Variants in BICC1 observed in about 807,000 individuals in gnomAD.
BICC1 encodes BicC family RNA binding protein 1, also known as protein bicaudal C homolog 1.
BICC1 carries 43 observed loss-of-function variants against 111.0 expected under a neutral mutation model. The ratio of observed to expected loss-of-function variants is 0.39; its 90% CI spans 0.30 to 0.50. The LOEUF is 0.50. Among genes scored for constraint, BICC1 ranks in the 20% least tolerant of loss-of-function variants. The pLI, the probability that BICC1 is intolerant of heterozygous loss-of-function variation, is 0.88. For missense variants in BICC1, 1,091 were observed against 1,203.2 expected, an observed-to-expected ratio of 0.91 and a Z score of 1.38; for synonymous variants, 467 against 434.4, an observed-to-expected ratio of 1.07 and a Z score of -0.93.
At chr10:58,766,951 A>T (rs10826236) in intron 3 of BICC1, among the ~76,000 whole-genome samples, 117,135 of 151,600 alleles carry the variant, frequency 0.77, 45,738 homozygotes, top group East Asian at 1. Context: ...AAAGGTGGGG[A>T]TGGGGGTGGC....
chr10:58,760,544 T>A (rs1842283825), intron 3 of BICC1, among the ~76,000 whole-genome samples: 1 of 152,220 alleles, frequency 6.6e-6, no homozygotes, highest in South Asian at 2.1e-4. Context: ...GTAAGCAGAC[T>A]TAAATTGTCC....
At chr10:58,761,211 T>C (rs969534597) in intron 3 of BICC1, among the ~76,000 whole-genome samples, 1 of 152,146 alleles carries the variant, frequency 6.6e-6, no homozygotes, top group Non-Finnish European at 1.5e-5. Flanking sequence ...AAGTACATGA[T>C]GCTAAGATAC....
intron 1 of BICC1, among the ~76,000 whole-genome samples, chr10:58,606,690 C>G (rs1415643817): frequency 6.6e-6 from 1 of 151,990 alleles, no homozygotes; most frequent in Non-Finnish European, 1.5e-5. Flanking sequence ...TTTTTTCTCT[C>G]TGGAAGGTTT....
chr10:58,543,168 T>C (rs543434111), intron 1 of BICC1, among the ~76,000 whole-genome samples: 1 of 151,984 alleles, frequency 6.6e-6, no homozygotes, highest in Non-Finnish European at 1.5e-5. Context: ...AGACATACAA[T>C]GGAATATTGC....
At chr10:58,566,078 T>G (rs1030085199) in intron 1 of BICC1, among the ~76,000 whole-genome samples, 6 of 152,170 alleles carry the variant, frequency 3.9e-5, no homozygotes, top group African/African-American at 1.4e-4. Context: ...AATAATGATT[T>G]CCAATTTTAT....
intron 1 of BICC1, among the ~76,000 whole-genome samples, chr10:58,555,409 G>A (rs1230303270): frequency 6.7e-6 from 1 of 149,570 alleles, no homozygotes; most frequent in Non-Finnish European, 1.5e-5. Context: ...TAACCTGTTG[G>A]AAGTAGAGTA....
chr10:58,556,068 T>G (rs1049180999), intron 1 of BICC1, among the ~76,000 whole-genome samples: 6 of 152,156 alleles, frequency 3.9e-5, no homozygotes, highest in Non-Finnish European at 8.8e-5. Context: ...TTTCTAGTTT[T>G]CGAGTGTTGG....
Position 58,702,062 on chromosome 10 carries a change from T to C in BICC1, c.238-12T>C. The C allele has an allele frequency of 6.2e-7, 1 of 1,603,804 alleles. No individual in the cohort carries two copies. The highest frequency in any genetic ancestry group is 1.3e-5 in the African/African-American group (1 of 74,794). On this transcript the variant is annotated splice_polypyrimidine_tract_variant and intron_variant, in intron 2 of 20. Coordinates refer to ENST00000373886, the MANE Select transcript of BICC1 (RefSeq NM_001080512.3). Reference sequence around the variant, plus strand: ...TTAATTGAGTCAATATTTCTCTCAATTTTTGTTACAGATCATGGAGGAAAC... The same window carrying C: ...TTAATTGAGTCAATATTTCTCTCAACTTTTGTTACAGATCATGGAGGAAAC...
intron 17 of BICC1, among the ~76,000 whole-genome samples, chr10:58,810,628 T>A (rs1277575725): frequency 6.6e-6 from 1 of 152,102 alleles, no homozygotes; most frequent in Non-Finnish European, 1.5e-5. Flanking sequence ...TTTATTCTTC[T>A]ATAGCTCAGA....
intron 20 of BICC1, among the ~76,000 whole-genome samples, chr10:58,825,971 C>A (rs1844382170): frequency 6.6e-6 from 1 of 151,574 alleles, no homozygotes; most frequent in Non-Finnish European, 1.5e-5. Flanking sequence ...ATAAGTGAAT[C>A]CAGCATAACA....
At chr10:58,566,994 G>A (rs1843786975) in intron 1 of BICC1, among the ~76,000 whole-genome samples, 1 of 152,090 alleles carries the variant, frequency 6.6e-6, no homozygotes, top group African/African-American at 2.4e-5. Context: ...CCTGATGGGA[G>A]AATAATAAAA....
intron 18 of BICC1, among the ~76,000 whole-genome samples, chr10:58,814,908 A>G (rs924114053): frequency 7.2e-5 from 11 of 152,184 alleles, no homozygotes; most frequent in Non-Finnish European, 1.5e-4. Context: ...GATTTTGTAA[A>G]TAGACAAGAT....
chr10:58,748,357 T>A (rs934146641), intron 3 of BICC1, among the ~76,000 whole-genome samples: 2 of 152,016 alleles, frequency 1.3e-5, no homozygotes, highest in Non-Finnish European at 2.9e-5. Context: ...TCTTGATACA[T>A]TGAGATTTAG....
At chr10:58,798,873 T>C (rs1015362151) in intron 11 of BICC1, among the ~76,000 whole-genome samples, 183 bp from the exon 12 acceptor site, 1 of 152,188 alleles carries the variant, frequency 6.6e-6, no homozygotes, top group Non-Finnish European at 1.5e-5. Context: ...TTCTCTATGA[T>C]ATTGTCCGAT....
chr10:58,534,196 A>C (rs923374002), intron 1 of BICC1, among the ~76,000 whole-genome samples: 4 of 151,828 alleles, frequency 2.6e-5, no homozygotes, highest in Non-Finnish European at 4.4e-5. Context: ...CCCTTACCCA[A>C]GATAGCAGAT....
At chr10:58,817,503 T>G (rs548198311) in intron 18 of BICC1, 59 bp from the exon 19 acceptor site, 4 of 1,590,406 alleles carry the variant, frequency 2.5e-6, no homozygotes, top group Non-Finnish European at 1.7e-6. Flanking sequence ...AAACTTTTAA[T>G]TAAACCATGT....
At chr10:58,757,046 C>G (rs7903712) in intron 3 of BICC1, among the ~76,000 whole-genome samples, 117,498 of 152,074 alleles carry the variant, frequency 0.77, 45,839 homozygotes, top group East Asian at 1. Flanking sequence ...ACTCTAATAA[C>G]AAAGCCCTTT....
At position 58,722,177 on chromosome 10, in the gene BICC1, G is replaced by C. The variant is rs181566143; in HGVS notation, c.307+20034G>C. Among the ~76,000 whole-genome samples, 42 of 152,272 alleles carry C rather than the reference G, an allele frequency of 2.8e-4. No individual in the cohort carries two copies. The East Asian group carries it at 5.6e-3, about 20-fold the overall frequency. On this transcript the variant is annotated intron_variant, in intron 3 of 20. Coordinates refer to ENST00000373886, the MANE Select transcript of BICC1 (RefSeq NM_001080512.3). ...AGTAAAGGAAGCAGTGAATCCATCCGGTTTCCATGAGCAGTCATACCTGAG... is the reference window on the plus strand; with the variant it reads ...AGTAAAGGAAGCAGTGAATCCATCCCGTTTCCATGAGCAGTCATACCTGAG...
chr10:58,652,631 T>A (rs1484805417), intron 2 of BICC1, among the ~76,000 whole-genome samples: 2 of 152,152 alleles, frequency 1.3e-5, no homozygotes, highest in African/African-American at 2.4e-5. Flanking sequence ...TTATATAATG[T>A]CTTGTTGCCT....
Sources: allele counts gnomAD v4.1 joint callset (sites outside exome capture counted in the v4.1 genomes callset), GRCh38; gene constraint gnomAD v4.1.1; transcripts MANE v1.5; gene names NCBI Gene and HGNC (gene_info 2026-07-23, HGNC 2026-07-21).